Variants in CDC20B observed in about 807,000 individuals in gnomAD.
CDC20B encodes cell division cycle 20B.
A neutral mutation model predicts 64.1 loss-of-function variants in CDC20B; 58 were observed. The ratio of observed to expected loss-of-function variants is 0.90; its 90% confidence interval spans 0.73 to 1.13. The LOEUF (loss-of-function observed/expected upper bound fraction) is 1.13. Among genes scored for constraint, CDC20B ranks in the 50% most tolerant of loss-of-function variants. The probability of loss-of-function intolerance (pLI) is 0.00; values close to 1 mark genes in which losing one functional copy is unlikely to be tolerated. For missense variants in CDC20B, 597 were observed against 633.0 expected (o/e 0.94, Z 0.61); for synonymous variants, 243 against 230.6 (o/e 1.05, Z -0.49).
chr5:55,159,655 T>G (rs1421332055), intron 2 of CDC20B, among the ~76,000 whole-genome samples: 1 of 152,208 alleles, frequency 6.6e-6, no homozygotes, highest in Admixed American at 6.5e-5. Flanking sequence ...GTAAATAGCC[T>G]TTTTCAGATA....
At chr5:55,146,938 G>T (rs1743500655) in intron 2 of CDC20B, 82 bp from the exon 3 acceptor site, 2 of 864,596 alleles carry the variant, frequency 2.3e-6, no homozygotes, top group Non-Finnish European at 3.7e-6. Context: ...AATTACAAAT[G>T]ACTCATCTAG....
chr5:55,129,157 CTATCT>C (rs1428668776), intron 6 of CDC20B, among the ~76,000 whole-genome samples: 1 of 152,142 alleles, frequency 6.6e-6, no homozygotes, highest in African/African-American at 2.4e-5. Flanking sequence ...AAAATATACC[CTATCT>C]TATTTCTTAT....
chr5:55,138,362 T>C (rs570301466), intron 5 of CDC20B, among the ~76,000 whole-genome samples: 1 of 152,276 alleles, frequency 6.6e-6, no homozygotes, highest in Non-Finnish European at 1.5e-5. Flanking sequence ...GGTCTCACCA[T>C]GTTGGCCAGG....
intron 2 of CDC20B, among the ~76,000 whole-genome samples, chr5:55,148,177 T>C (rs941764939): frequency 1.3e-5 from 2 of 152,182 alleles, no homozygotes; most frequent in African/African-American, 4.8e-5. Context: ...GATATATAAA[T>C]GCCCAAAAGA....
rs111438994 is a variant in CDC20B at position 55,127,228 on chromosome 5, A to G, written c.989+29T>C. The G allele has an allele frequency of 4.4e-5, 70 of 1,576,566 alleles. No individual in the cohort carries two copies. The Middle Eastern group carries it at 5.0e-4, about 11-fold the overall frequency. On this transcript the variant is annotated intron_variant, in intron 8 of 11. Coordinates refer to ENST00000381375, the MANE Select transcript of CDC20B (RefSeq NM_001170402.1). Reference sequence around the variant, plus strand: ...CCCATAATCAATTGTTAATACAAACATAACTGTCTCCAACAAGACGCTTCT... The same window carrying G: ...CCCATAATCAATTGTTAATACAAACGTAACTGTCTCCAACAAGACGCTTCT...
intron 8 of CDC20B, among the ~76,000 whole-genome samples, chr5:55,125,751 C>T (rs913299993): frequency 2.6e-5 from 4 of 152,198 alleles, no homozygotes; most frequent in African/African-American, 7.2e-5. Context: ...AGACATTTCT[C>T]AAAGTCCAGT....
chr5:55,114,355 C>T lies in CDC20B; in HGVS notation c.1460-37G>A, dbSNP rs369037343. ...AGGAAAGACAGTTCATACTCCTCCA[C>T]GTTACATGGGCTGCTGCTCAGGACT... On this transcript the variant is annotated intron_variant, in intron 11 of 11. Transcript: ENST00000381375. The surrounding 1 kb of genome is among the most constrained non-coding windows in gnomAD (Gnocchi z 4.1). 25 of 1,609,332 alleles carry T rather than the reference C, an allele frequency of 1.6e-5. No homozygotes were observed. The highest frequency in any genetic ancestry group is 4.5e-5 in the East Asian group (2 of 44,810).
At chr5:55,131,886 G>A (rs1743040635) in intron 6 of CDC20B, among the ~76,000 whole-genome samples, 1 of 152,102 alleles carries the variant, frequency 6.6e-6, no homozygotes, top group Non-Finnish European at 1.5e-5. Context: ...CCAATATGGT[G>A]AAACTCCATC....
At chr5:55,141,660 G>A (rs868743518) in intron 4 of CDC20B, among the ~76,000 whole-genome samples, 2 of 152,170 alleles carry the variant, frequency 1.3e-5, no homozygotes, top group South Asian at 4.1e-4. Context: ...AAGTCTCTCT[G>A]ACAGACAACA....
In CDC20B at chr5:55,127,262, G is replaced by A. The variant is rs1742916286; in HGVS notation, c.984C>T (p.Leu328=). The A allele has an allele frequency of 7.4e-6, 12 of 1,613,474 alleles. No homozygotes were observed. Among genetic ancestry groups the A allele is most frequent in the Non-Finnish European group, 9.3e-6 (11 of 1,179,550 alleles). The part of the protein sequence containing the change: ...VGALSWNHFI[L]SSGSRLGRVY... ...TCCAACAAGACGCTTCTTACCTGCT[G>A]AGGATAAAGTGATTCCAGCTCAGAG... Residue 328 remains leucine, a synonymous_variant, in exon 8 of 12, where the codon CTC becomes CTT. Coordinates refer to ENST00000381375, the MANE Select transcript of CDC20B (RefSeq NM_001170402.1).
intron 5 of CDC20B, chr5:55,136,395 C>T (rs1437929279): frequency 1.3e-5 from 2 of 152,032 alleles, no homozygotes; most frequent in South Asian, 2.1e-4. Context: ...CCTGCCTCTA[C>T]TAAAAGTACA....
rs1743213037 is a variant in CDC20B, at chr5:55,137,521, C to T, written c.580+2793G>A. The T allele has an allele frequency of 6.1e-5, 28 of 456,408 alleles. 1 individual carries two copies. The highest frequency in any genetic ancestry group is 4.3e-4 in the South Asian group (28 of 64,542). The allele number at this position is 456,408 out of a possible 1,614,324, so 28.3% of individuals were successfully genotyped here. A position where few individuals can be genotyped will look rare whatever the true frequency, so the allele number is the denominator to read the frequency against. Reference sequence around the variant, plus strand: ...GGGATCTGTTTCATAGTTTAAGTTCCCTTAAAAGAATCAACAACAGAGCCT... The same window carrying T: ...GGGATCTGTTTCATAGTTTAAGTTCTCTTAAAAGAATCAACAACAGAGCCT... On this transcript the variant is annotated intron_variant, in intron 5 of 11. Transcript: ENST00000381375.
At chr5:55,120,842 C>A (rs921033630) in intron 9 of CDC20B, among the ~76,000 whole-genome samples, 2 of 152,174 alleles carry the variant, frequency 1.3e-5, no homozygotes, top group African/African-American at 4.8e-5. Flanking sequence ...TGAAAAACTA[C>A]ATGCAATACA....
At chr5:55,129,325 A>G (rs146445240) in intron 6 of CDC20B, among the ~76,000 whole-genome samples, 99 of 152,326 alleles carry the variant, frequency 6.5e-4, no homozygotes, top group Non-Finnish European at 1.1e-3. Flanking sequence ...GAGATCCTGT[A>G]AAGTAAGGAA....
Position 55,131,151 on chromosome 5 carries a change from C to T in CDC20B, c.697+2261G>A, listed in dbSNP as rs182900349. 2.3e-3 allele frequency among the ~76,000 whole-genome samples: 353 copies of T among 152,094 alleles called. 3 individuals carry two copies. The highest frequency in any genetic ancestry group is 8.1e-3 in the African/African-American group (336 of 41,508). On this transcript the variant is annotated intron_variant, in intron 6 of 11. Coordinates refer to ENST00000381375, the MANE Select transcript of CDC20B (RefSeq NM_001170402.1). ...CTCCCTCAAAACCTCCCTCAAAAAA[C>T]AATAACAAACAAACAAACACATGAC...
At chr5:55,163,131 A>AT (rs1314489827) in intron 2 of CDC20B, among the ~76,000 whole-genome samples, 1 of 152,178 alleles carries the variant, frequency 6.6e-6, no homozygotes, top group Non-Finnish European at 1.5e-5. Context: ...TAATTATTAT[A>AT]TTTTTCCTCA....
chr5:55,117,979 C>T (rs190202983), intron 11 of CDC20B, among the ~76,000 whole-genome samples: 81 of 152,056 alleles, frequency 5.3e-4, no homozygotes, highest in African/African-American at 1.8e-3. Flanking sequence ...ATTAGCCAGG[C>T]GTGGTAGTTG....
chr5:55,160,822 C>G, intron 2 of CDC20B: 2 of 624,284 alleles, frequency 3.2e-6, no homozygotes, highest in African/African-American at 3.7e-5. Flanking sequence ...GGGCCTTAAC[C>G]CAGGCATCTA....
intron 11 of CDC20B, among the ~76,000 whole-genome samples, chr5:55,117,650 C>T (rs574696598): frequency 6.6e-6 from 1 of 152,090 alleles, no homozygotes; most frequent in African/African-American, 2.4e-5. Flanking sequence ...AATTAAATAC[C>T]TAGGCCAGGG....
Sources: gnomAD v4.1 joint callset for allele counts (sites outside exome capture counted in the v4.1 genomes callset) on GRCh38, gnomAD v4.1.1 for gene constraint, Gnocchi (gnomAD v3.1) non-coding constraint, MANE v1.5 for transcripts, NCBI Gene and HGNC (gene_info 2026-07-23, HGNC 2026-07-21) for gene names.